The following FHOD3 variants were observed in gnomAD, a reference collection of about 807,000 sequenced individuals.
FHOD3 encodes the protein FH1/FH2 domain-containing protein 3.
A neutral mutation model predicts 173.0 loss-of-function variants in FHOD3; 90 were observed. The observed-to-expected ratio is 0.52, with a 90% CI of 0.44 to 0.62. FHOD3 has a LOEUF of 0.62. Ranked by LOEUF, FHOD3 falls within the 20% of genes least tolerant of loss-of-function variation. The pLI is 0.00. For missense variants in FHOD3, 1,945 were observed against 2,034.7 expected, an observed-to-expected ratio of 0.96 and a Z score of 0.85; for synonymous variants, 828 against 823.0, an observed-to-expected ratio of 1.01 and a Z score of -0.10.
chr18:36,456,050 C>T (rs949920692), intron 3 of FHOD3, among the ~76,000 whole-genome samples: 1 of 152,096 alleles, frequency 6.6e-6, no homozygotes, highest in Non-Finnish European at 1.5e-5. Flanking sequence ...TCTACCATCC[C>T]CTAGGGCTTG....
At chr18:36,616,023 G>GT (rs1190620482) in intron 9 of FHOD3, among the ~76,000 whole-genome samples, 6 of 152,152 alleles carry the variant, frequency 3.9e-5, no homozygotes, top group African/African-American at 1.4e-4. Flanking sequence ...CACTCCCTCA[G>GT]TTTTTTATTG....
chr18:36,578,245 T>G lies in FHOD3; in HGVS notation c.606+1700T>G, dbSNP rs556372997. On this transcript the variant is annotated intron_variant, in intron 6 of 28. Coordinates refer to ENST00000590592, the MANE Select transcript of FHOD3 (RefSeq NM_001281740.3). ...ACAGTTCCACATGGCTGGGGAGGCC[T>G]CAAAATCATGGCGGAAGGCGGAGGA... Among the ~76,000 whole-genome samples, 32 of 152,124 alleles carry G rather than the reference T, an allele frequency of 2.1e-4. 1 individual carries two copies. The highest frequency in any genetic ancestry group is 6.8e-3 in the Middle Eastern group (2 of 294).
chr18:36,617,094 A>G lies in FHOD3; in HGVS notation c.957+4999A>G, dbSNP rs1000519246. Among the ~76,000 whole-genome samples, 34 of 152,362 alleles carry G rather than the reference A, an allele frequency of 2.2e-4. 1 individual carries two copies. Among genetic ancestry groups the G allele is most frequent in the South Asian group, 2.1e-4 (1 of 4,830 alleles). ...ATCCATAATTCTGAGTTTATTTACT[A>G]TAAGTAGTCCATAGCCAGGGACATC... is the stretch of plus-strand genomic sequence containing the variant. On this transcript the variant is annotated intron_variant, in intron 9 of 28. Transcript: ENST00000590592.
chr18:36,709,238 G>C lies in FHOD3; in HGVS notation c.2380G>C (p.Glu794Gln). ...ETEVEQALEQ[E>Q]PEERASLSEK... Reference sequence around the variant, plus strand: ...TGAAGTGGAGCAGGCACTAGAGCAAGAGCCGGAAGAAAGAGCCTCCCTCAG... The same window carrying C: ...TGAAGTGGAGCAGGCACTAGAGCAACAGCCGGAAGAAAGAGCCTCCCTCAG... The change falls in exon 18 of 29, where the codon GAG becomes CAG. Residue 794 changes from glutamate (E) to glutamine (Q), a missense_variant. This residue lies in a region of FHOD3 where 1,099 missense variants were observed against 1,051.2 expected (regional missense o/e 1.05). Transcript: ENST00000590592. 6.2e-7 allele frequency: 1 copy of C among 1,614,192 alleles called. No individual in the cohort carries two copies. Among genetic ancestry groups the C allele is most frequent in the Non-Finnish European group, 8.5e-7 (1 of 1,180,040 alleles).
At chr18:36,627,226 G>A in intron 10 of FHOD3, among the ~76,000 whole-genome samples, 1 of 152,182 alleles carries the variant, frequency 6.6e-6, no homozygotes, top group Non-Finnish European at 1.5e-5. Flanking sequence ...GAAGAGAATT[G>A]AGGAAATTGT....
chr18:36,413,963 G>C (rs1412393569), intron 3 of FHOD3, among the ~76,000 whole-genome samples: 1 of 152,030 alleles, frequency 6.6e-6, no homozygotes, highest in African/African-American at 2.4e-5. Context: ...TGTCTCTATG[G>C]ATTTGCCTAT....
At chr18:36,448,348 T>G (rs1316629381) in intron 3 of FHOD3, among the ~76,000 whole-genome samples, 1 of 152,204 alleles carries the variant, frequency 6.6e-6, no homozygotes, top group African/African-American at 2.4e-5. Context: ...TGTGTAACTG[T>G]CATTTCTTTG....
At chr18:36,556,683 T>G (rs2057899990) in intron 5 of FHOD3, among the ~76,000 whole-genome samples, 1 of 152,200 alleles carries the variant, frequency 6.6e-6, no homozygotes, top group Non-Finnish European at 1.5e-5. Context: ...ATTTTTCTGT[T>G]TAAGTAGCCA....
At chr18:36,680,906 A>G (rs2149396807) in intron 14 of FHOD3, among the ~76,000 whole-genome samples, 1 of 152,356 alleles carries the variant, frequency 6.6e-6, no homozygotes, top group South Asian at 2.1e-4. Flanking sequence ...AATAGAAAAT[A>G]GTTTTATAAA....
At chr18:36,346,344 T>C (rs1415614404) in intron 1 of FHOD3, among the ~76,000 whole-genome samples, 1 of 152,068 alleles carries the variant, frequency 6.6e-6, no homozygotes, top group African/African-American at 2.4e-5. Context: ...CCAAGCTGGG[T>C]GACAGAGTGA....
At chr18:36,426,444 A>G (rs185264085) in intron 3 of FHOD3, among the ~76,000 whole-genome samples, 7 of 152,216 alleles carry the variant, frequency 4.6e-5, no homozygotes, top group African/African-American at 1.7e-4. Context: ...GCCTTCCAGG[A>G]AGAAGCCATG....
chr18:36,425,506 T>A (rs190337053), intron 3 of FHOD3, among the ~76,000 whole-genome samples: 183 of 152,144 alleles, frequency 1.2e-3, no homozygotes, highest in African/African-American at 4.3e-3. Context: ...CAATTAAAAG[T>A]AAGAACAATC....
chr18:36,298,310 G>A (rs1324745244), intron 1 of FHOD3, among the ~76,000 whole-genome samples: 1 of 152,108 alleles, frequency 6.6e-6, no homozygotes, highest in African/African-American at 2.4e-5. Flanking sequence ...TAGCTCGGCC[G>A]GGTGGGCGGG....
Position 36,297,783 on chromosome 18 carries a change from GGCCCGCGGCCCCGCTAACCCC to G in FHOD3, c.-51_-31del, listed in dbSNP as rs1283360628. The G allele has an allele frequency of 9.0e-6, 13 of 1,440,398 alleles. No individual in the cohort carries two copies. The highest frequency in any genetic ancestry group is 1.2e-5 in the Non-Finnish European group (13 of 1,089,548). 89.2% of individuals were successfully genotyped at this position (1,440,398 alleles called of 1,614,324 possible). On this transcript the variant is annotated 5_prime_UTR_variant, in exon 1 of 29. Coordinates refer to ENST00000590592, the MANE Select transcript of FHOD3 (RefSeq NM_001281740.3). ...CTGCGCGCAGCTACCCGGGCGTCCC[GGCCCGCGGCCCCGCTAACCCC>G]GGGGCCCGCGCCCCCGCGGCAGGGA...
intron 3 of FHOD3, among the ~76,000 whole-genome samples, chr18:36,410,070 A>T (rs1606590): frequency 0.16 from 24,524 of 152,152 alleles, 2,174 homozygotes; most frequent in Middle Eastern, 0.34. Context: ...GTGGTATTTA[A>T]TATTGTCACA....
chr18:36,417,279 C>G (rs1036356168), intron 3 of FHOD3, among the ~76,000 whole-genome samples: 2 of 152,074 alleles, frequency 1.3e-5, no homozygotes. Flanking sequence ...TCCATGTGTT[C>G]TCATCATTTA....
chr18:36,648,691 G>C (rs1292051405), intron 10 of FHOD3, among the ~76,000 whole-genome samples: 1 of 152,106 alleles, frequency 6.6e-6, no homozygotes, highest in Non-Finnish European at 1.5e-5. Flanking sequence ...GGTGTGATAT[G>C]AATTGGCCCC....
chr18:36,437,682 T>TTTTTTTTTTTTTTTTTTTTTTTTTTTTTA lies in FHOD3; in HGVS notation c.338-64250_338-64249insTTTTTTTTTTTTTTTTTTTTTTTTTTTTA, dbSNP rs71168224. On this transcript the variant is annotated intron_variant, in intron 3 of 28. Coordinates refer to ENST00000590592, the MANE Select transcript of FHOD3 (RefSeq NM_001281740.3). ...CTTTCTTTCTTTTTTTTTTTTTTTT[T>TTTTTTTTTTTTTTTTTTTTTTTTTTTTTA]AAGACAGAGTCTTGCTCTGTCGCCA... Among the ~76,000 whole-genome samples, 2 of 129,618 alleles carry TTTTTTTTTTTTTTTTTTTTTTTTTTTTTA rather than the reference T, an allele frequency of 1.5e-5. 1 individual carries two copies. 85.0% of individuals were successfully genotyped at this position (129,618 alleles called of 152,430 possible). A position where few individuals can be genotyped will look rare whatever the true frequency, so the allele number is the denominator to read the frequency against.
intron 27 of FHOD3, among the ~76,000 whole-genome samples, chr18:36,765,160 T>G (rs949824506): frequency 3.3e-5 from 5 of 152,314 alleles, no homozygotes; most frequent in Admixed American, 3.3e-4. Context: ...CGGGTGATGC[T>G]GTGCTAGAAA....
Sources: gnomAD v4.1 joint callset for allele counts (sites outside exome capture counted in the v4.1 genomes callset) on GRCh38, gnomAD v4.1.1 for gene constraint, gnomAD v4.1.1 regional missense constraint, MANE v1.5 for transcripts, NCBI Gene and HGNC (gene_info 2026-07-23, HGNC 2026-07-21) for gene names.